NCOA7: variants seen among roughly 807,000 people sequenced by gnomAD.
The protein encoded by NCOA7 is nuclear receptor coactivator 7.
NCOA7 carries 45 observed loss-of-function variants against 104.3 expected under a neutral mutation model. The ratio of observed to expected loss-of-function variants is 0.43; its 90% CI spans 0.34 to 0.55. NCOA7 has a LOEUF of 0.55. Ranked by LOEUF, NCOA7 falls within the 20% of genes least tolerant of loss-of-function variation. The pLI is 0.02. For missense variants in NCOA7, 1,041 were observed against 1,119.7 expected, an observed-to-expected ratio of 0.93 and a Z score of 1.00; for synonymous variants, 398 against 402.3, an observed-to-expected ratio of 0.99 and a Z score of 0.13.
chr6:125,816,041 A>G (rs746677111), intron 2 of NCOA7, among the ~76,000 whole-genome samples: 1 of 152,244 alleles, frequency 6.6e-6, no homozygotes, highest in African/African-American at 2.4e-5. Context: ...TTGATAAGCC[A>G]GAATGTTTTC....
intron 10 of NCOA7, among the ~76,000 whole-genome samples, chr6:125,892,288 A>G (rs964941925): frequency 2.6e-5 from 4 of 152,200 alleles, no homozygotes; most frequent in African/African-American, 9.7e-5. Flanking sequence ...TCGTAGAATA[A>G]TTGAAGCAAT....
intron 10 of NCOA7, 84 bp from the exon 11 acceptor site, chr6:125,915,248 AG>A: frequency 6.7e-7 from 1 of 1,493,064 alleles, no homozygotes; most frequent in Non-Finnish European, 9.1e-7. Context: ...AGCAGGGAAA[AG>A]ATGGTTTATG....
chr6:125,843,806 CA>C (rs1780365397), intron 2 of NCOA7, among the ~76,000 whole-genome samples: 1 of 152,180 alleles, frequency 6.6e-6, no homozygotes, highest in South Asian at 2.1e-4. Flanking sequence ...GGCCGTGACT[CA>C]GCATTCTGAC....
intron 2 of NCOA7, among the ~76,000 whole-genome samples, chr6:125,833,088 CA>C (rs1166755287): frequency 6.6e-6 from 1 of 152,178 alleles, no homozygotes; most frequent in African/African-American, 2.4e-5. Flanking sequence ...ACTTCTGCTC[CA>C]GTTTGTGTTG....
intron 1 of NCOA7, among the ~76,000 whole-genome samples, chr6:125,793,992 C>T (rs1269916080): frequency 6.6e-6 from 1 of 152,126 alleles, no homozygotes; most frequent in East Asian, 1.9e-4. Flanking sequence ...GAACAAAGGC[C>T]ATGACGTCAA....
At chr6:125,823,700 A>G (rs1778401761) in intron 2 of NCOA7, among the ~76,000 whole-genome samples, 1 of 152,218 alleles carries the variant, frequency 6.6e-6, no homozygotes, top group Non-Finnish European at 1.5e-5. Context: ...AGTTAGACTC[A>G]TGCTTTTTGC....
At chr6:125,805,479 T>G (rs192846619) in intron 1 of NCOA7, among the ~76,000 whole-genome samples, 1 of 152,294 alleles carries the variant, frequency 6.6e-6, no homozygotes. Context: ...AGCCCACCCT[T>G]ACAGGCCATT....
chr6:125,799,606 A>AT (rs1428107785), intron 1 of NCOA7, among the ~76,000 whole-genome samples: 2 of 151,814 alleles, frequency 1.3e-5, no homozygotes, highest in African/African-American at 2.4e-5. Context: ...CGCCCAGCTA[A>AT]TTTTTTTGTA....
chr6:125,785,849 C>T (rs1183889303), intron 1 of NCOA7, among the ~76,000 whole-genome samples: 1 of 152,162 alleles, frequency 6.6e-6, no homozygotes. Flanking sequence ...GACATGATGA[C>T]AGCTATGCGG....
intron 1 of NCOA7, among the ~76,000 whole-genome samples, chr6:125,796,178 A>G (rs535243135): frequency 3.4e-4 from 52 of 152,226 alleles, no homozygotes; most frequent in African/African-American, 9.9e-4. Flanking sequence ...GTAATTTTCT[A>G]TATTAGCTAT....
chr6:125,805,546 A>T (rs958317955), intron 1 of NCOA7, among the ~76,000 whole-genome samples: 1 of 152,170 alleles, frequency 6.6e-6, no homozygotes, highest in Non-Finnish European at 1.5e-5. Flanking sequence ...TGTAACTCTT[A>T]TGGCTATTTG....
At chr6:125,828,841 G>C (rs1359606538) in intron 2 of NCOA7, among the ~76,000 whole-genome samples, 1 of 152,128 alleles carries the variant, frequency 6.6e-6, no homozygotes, top group African/African-American at 2.4e-5. Context: ...TTACAAATAT[G>C]ACCTCACTAT....
chr6:125,809,649 A>G (rs1776784576), intron 1 of NCOA7, among the ~76,000 whole-genome samples: 2 of 152,192 alleles, frequency 1.3e-5, no homozygotes, highest in African/African-American at 4.8e-5. Context: ...AACACCTGTC[A>G]TATTTTGGTA....
chr6:125,855,511 T>G, intron 3 of NCOA7: 1 of 267,364 alleles, frequency 3.7e-6, no homozygotes, highest in Non-Finnish European at 7.0e-6. Flanking sequence ...TCACTTTCTC[T>G]TTATGAGAAA....
At chr6:125,910,233 C>T (rs905033507) in intron 10 of NCOA7, among the ~76,000 whole-genome samples, 2 of 152,112 alleles carry the variant, frequency 1.3e-5, no homozygotes, top group Non-Finnish European at 2.9e-5. Flanking sequence ...AACACTGAGG[C>T]CTGGCTGATA....
chr6:125,792,327 A>G (rs192407072), intron 1 of NCOA7, among the ~76,000 whole-genome samples: 118 of 152,338 alleles, frequency 7.7e-4, no homozygotes, highest in Admixed American at 1.6e-3. Context: ...GTAATATGTC[A>G]TCAAGGTTAT....
chr6:125,859,731 C>T (rs1382866841), intron 3 of NCOA7, among the ~76,000 whole-genome samples: 1 of 152,106 alleles, frequency 6.6e-6, no homozygotes, highest in African/African-American at 2.4e-5. Context: ...GTATCTATTC[C>T]ACATCTATAA....
intron 2 of NCOA7, among the ~76,000 whole-genome samples, chr6:125,831,195 C>T (rs1779157487): frequency 6.6e-6 from 1 of 152,092 alleles, no homozygotes; most frequent in Non-Finnish European, 1.5e-5. Flanking sequence ...TCCATCTTAC[C>T]TTAAGAAAAG....
chr6:125,885,491 G>T, intron 8 of NCOA7, 148 bp downstream of exon 8: 1 of 649,880 alleles, frequency 1.5e-6, no homozygotes, highest in Non-Finnish European at 2.5e-6. Flanking sequence ...TGAGAAAAAT[G>T]AGAAGAAATG....
Sources: allele counts gnomAD v4.1 joint callset (sites outside exome capture counted in the v4.1 genomes callset), GRCh38; gene constraint gnomAD v4.1.1; transcripts MANE v1.5; gene names NCBI Gene and HGNC (gene_info 2026-07-23, HGNC 2026-07-21).